DICER1: variants seen among roughly 807,000 people sequenced by gnomAD.
The protein encoded by DICER1 is dicer 1, ribonuclease III, also known as endoribonuclease Dicer.
In DICER1, 43 loss-of-function variants were observed where a neutral mutation model predicts 194.1. The ratio of observed to expected loss-of-function variants is 0.22; its 90% CI spans 0.17 to 0.29. The LOEUF is 0.29. Among genes scored for constraint, DICER1 ranks in the 10% least tolerant of loss-of-function variants. The pLI is 1.00. For missense variants in DICER1, 1,608 were observed against 2,317.0 expected (o/e 0.69, Z 6.28); for synonymous variants, 832 against 820.5 (o/e 1.01, Z -0.24).
intron 8 of DICER1, among the ~76,000 whole-genome samples, chr14:95,119,999 A>G (rs947065558): frequency 1.3e-5 from 2 of 152,232 alleles, no homozygotes; most frequent in African/African-American, 4.8e-5. Flanking sequence ...AACATAACCA[A>G]AAATAGGAAA....
rs150390018 is a variant in DICER1, at chr14:95,116,058, G to GACACACACAC, written c.1753-247_1753-238dup. ...GTCTATACTGTACCGTGCCTACACA[G>GACACACACAC]ACACACACACACACACACACACACA... On this transcript the variant is annotated intron_variant, in intron 10 of 26. Coordinates refer to ENST00000343455, the MANE Select transcript of DICER1 (RefSeq NM_177438.3). Among the ~76,000 whole-genome samples, 1,280 of 143,010 alleles carry GACACACACAC rather than the reference G, an allele frequency of 9.0e-3. 49 individuals are homozygous for GACACACACAC. Among genetic ancestry groups the GACACACACAC allele is most frequent in the Admixed American group, 0.07 (1,016 of 14,418 alleles). 93.8% of individuals were successfully genotyped at this position (143,010 alleles called of 152,430 possible). A position where few individuals can be genotyped will look rare whatever the true frequency, so the allele number is the denominator to read the frequency against.
intron 14 of DICER1, 141 bp downstream of exon 14, chr14:95,111,176 A>AGC: frequency 1.1e-6 from 1 of 874,674 alleles, no homozygotes; most frequent in African/African-American, 1.7e-5. Context: ...GAAGCTGTGA[A>AGC]TCGGAGAAAG....
chr14:95,090,760 G>A (rs1286662482), intron 26 of DICER1, 97 bp from the exon 27 acceptor site: 2 of 1,415,286 alleles, frequency 1.4e-6, no homozygotes, highest in Non-Finnish European at 2.0e-6. Flanking sequence ...GGAGTCCCAT[G>A]TATAAGCTGA....
chr14:95,103,182 C>G (rs1891045248), intron 21 of DICER1, among the ~76,000 whole-genome samples, 164 bp downstream of exon 21: 1 of 152,334 alleles, frequency 6.6e-6, no homozygotes, highest in South Asian at 2.1e-4. Flanking sequence ...AGTTCTGCCA[C>G]AGGCTTTCGC....
intron 21 of DICER1, 57 bp from the exon 22 acceptor site, chr14:95,099,992 C>A: frequency 6.3e-7 from 1 of 1,584,768 alleles, no homozygotes; most frequent in South Asian, 1.1e-5. Flanking sequence ...GGAATTCATT[C>A]AAGGCATATT....
At chr14:95,110,831 G>A (rs966736799) in intron 14 of DICER1, among the ~76,000 whole-genome samples, 5 of 152,050 alleles carry the variant, frequency 3.3e-5, no homozygotes, top group African/African-American at 7.2e-5. Context: ...AACTTATTTC[G>A]ATTCCCAATG....
At chr14:95,149,161 T>TG (rs1225261212) in intron 1 of DICER1, among the ~76,000 whole-genome samples, 1 of 152,108 alleles carries the variant, frequency 6.6e-6, no homozygotes, top group East Asian at 1.9e-4. Flanking sequence ...GAGCATCCAT[T>TG]GGGAAAAAGG....
chr14:95,111,271 A>T, intron 14 of DICER1, 46 bp downstream of exon 14: 1 of 1,613,142 alleles, frequency 6.2e-7, no homozygotes, highest in Non-Finnish European at 8.5e-7. Flanking sequence ...AGCGGAAAAC[A>T]AAGTCAGAAA....
intron 2 of DICER1, 22 bp from the exon 3 acceptor site, chr14:95,132,699 A>T: frequency 6.2e-7 from 1 of 1,611,722 alleles, no homozygotes; most frequent in Non-Finnish European, 8.5e-7. Context: ...GTGAAAAAAA[A>T]GTTATGCACT....
chr14:95,151,153 G>A (rs963152647), intron 1 of DICER1, among the ~76,000 whole-genome samples: 1 of 152,244 alleles, frequency 6.6e-6, no homozygotes, highest in Non-Finnish European at 1.5e-5. Context: ...ATGCATAGCA[G>A]ATGAAGAATG....
chr14:95,123,346 T>G (rs1893108272), intron 8 of DICER1, among the ~76,000 whole-genome samples: 1 of 152,216 alleles, frequency 6.6e-6, no homozygotes, highest in South Asian at 2.1e-4. Flanking sequence ...TCTCTTCTGA[T>G]TCACAAAATT....
chr14:95,138,994 TAA>T (rs67050539), intron 1 of DICER1, among the ~76,000 whole-genome samples: 36,836 of 136,014 alleles, frequency 0.27, 5,758 homozygotes, highest in African/African-American at 0.46. Context: ...AATAAAAAAA[TAA>T]AAAAAAAAAA....
Position 95,105,903 on chromosome 14 carries a change from G to A in DICER1, c.2988-120C>T, listed in dbSNP as rs1342612475. The A allele has an allele frequency of 7.1e-7, 1 of 1,402,974 alleles. No homozygotes were observed. Among genetic ancestry groups the A allele is most frequent in the East Asian group, 2.3e-5 (1 of 43,860 alleles). 86.9% of individuals were successfully genotyped at this position (1,402,974 alleles called of 1,614,324 possible). ...TACAGCCTCTTGGGCTACCCCTTGGGCAAGTTTGTGTGCAAAGCATCTCCT... is the reference window on the plus strand; with the variant it reads ...TACAGCCTCTTGGGCTACCCCTTGGACAAGTTTGTGTGCAAAGCATCTCCT... On this transcript the variant is annotated intron_variant, in intron 18 of 26. Transcript: ENST00000343455. This position sits in a 1 kb window ranked among gnomAD's most constrained non-coding sequence, Gnocchi z 4.9.
At chr14:95,139,855 A>G (rs76632266) in intron 1 of DICER1, among the ~76,000 whole-genome samples, 18,504 of 152,268 alleles carry the variant, frequency 0.12, 1,237 homozygotes, top group Middle Eastern at 0.17. Flanking sequence ...TACAATGTTT[A>G]AATTAATTTT....
At chr14:95,122,947 C>G (rs1185542335) in intron 8 of DICER1, among the ~76,000 whole-genome samples, 1 of 133,864 alleles carries the variant, frequency 7.5e-6, no homozygotes, top group Non-Finnish European at 1.6e-5. Flanking sequence ...CGCGCGCGCG[C>G]GCACACACAC....
At chr14:95,148,449 G>A (rs1246280455) in intron 1 of DICER1, among the ~76,000 whole-genome samples, 8 of 152,142 alleles carry the variant, frequency 5.3e-5, no homozygotes, top group Middle Eastern at 3.2e-3. Context: ...TAGGGTAGAG[G>A]ACAGACCAAA....
chr14:95,117,859 A>G, intron 8 of DICER1, 105 bp from the exon 9 acceptor site: 1 of 1,078,326 alleles, frequency 9.3e-7, no homozygotes, highest in Non-Finnish European at 1.4e-6. Context: ...TTTTGCAAAC[A>G]TACCTAACAA....
intron 1 of DICER1, among the ~76,000 whole-genome samples, chr14:95,153,924 G>C (rs1720234485): frequency 6.6e-6 from 1 of 152,194 alleles, no homozygotes; most frequent in African/African-American, 2.4e-5. Context: ...TAGTCATTTG[G>C]CAAGTCGTAA....
intron 1 of DICER1, among the ~76,000 whole-genome samples, chr14:95,148,394 T>C (rs1347511061): frequency 6.6e-6 from 1 of 152,126 alleles, no homozygotes. Flanking sequence ...CAAAAACACA[T>C]CACTTTGGAG....
Sources: allele counts gnomAD v4.1 joint callset (sites outside exome capture counted in the v4.1 genomes callset), GRCh38; gene constraint gnomAD v4.1.1; non-coding constraint Gnocchi (gnomAD v3.1); transcripts MANE v1.5; gene names NCBI Gene and HGNC (gene_info 2026-07-23, HGNC 2026-07-21).